The following UBQLN1 variants were observed in gnomAD, a reference collection of about 807,000 sequenced individuals.
UBQLN1 encodes ubiquilin-1.
A neutral mutation model predicts 65.4 loss-of-function variants in UBQLN1; 13 were observed. That is an observed-to-expected ratio of 0.20 (90% CI 0.13 to 0.32). UBQLN1 has a LOEUF of 0.32. Among genes scored for constraint, UBQLN1 ranks in the 10% least tolerant of loss-of-function variants. The pLI is 1.00. For synonymous variants in UBQLN1, 267 were observed against 247.8 expected, an observed-to-expected ratio of 1.08 and a Z score of -0.73; for missense variants, 561 against 724.0, an observed-to-expected ratio of 0.77 and a Z score of 2.58.
intron 4 of UBQLN1, among the ~76,000 whole-genome samples, chr9:83,679,078 C>T (rs753402137): frequency 2.0e-5 from 3 of 152,134 alleles, no homozygotes; most frequent in Non-Finnish European, 4.4e-5. Context: ...CCACAACAAA[C>T]CAAAATAGAG....
chr9:83,703,578 AT>A (rs1832347288), intron 1 of UBQLN1, among the ~76,000 whole-genome samples: 2 of 152,182 alleles, frequency 1.3e-5, no homozygotes, highest in Admixed American at 1.3e-4. Context: ...AGCATTTCCC[AT>A]AAGGGATACT....
At chr9:83,701,947 T>C (rs749688956) in intron 1 of UBQLN1, among the ~76,000 whole-genome samples, 1 of 152,200 alleles carries the variant, frequency 6.6e-6, no homozygotes, top group Non-Finnish European at 1.5e-5. Context: ...AAATGTGGAA[T>C]GCTGTTGGCA....
chr9:83,698,596 A>G (rs1832259465), intron 1 of UBQLN1, among the ~76,000 whole-genome samples: 1 of 152,156 alleles, frequency 6.6e-6, no homozygotes, highest in African/African-American at 2.4e-5. Context: ...ACATACATAT[A>G]ATGGAATATT....
At chr9:83,684,368 T>C (rs1333278462) in intron 2 of UBQLN1, among the ~76,000 whole-genome samples, 1 of 151,848 alleles carries the variant, frequency 6.6e-6, no homozygotes, top group African/African-American at 2.4e-5. Context: ...CAATTTTTTG[T>C]ATTTTTAGTA....
At chr9:83,697,290 C>G (rs1471577252) in intron 1 of UBQLN1, among the ~76,000 whole-genome samples, 1 of 149,330 alleles carries the variant, frequency 6.7e-6, no homozygotes, top group Admixed American at 6.7e-5. Context: ...CGGTGGCTCA[C>G]GCCTGTAATT....
At chr9:83,706,661 C>G (rs1286637672) in intron 1 of UBQLN1, among the ~76,000 whole-genome samples, 1 of 152,140 alleles carries the variant, frequency 6.6e-6, no homozygotes, top group African/African-American at 2.4e-5. Flanking sequence ...TAAATTCCAC[C>G]AAGAATCTTA....
At chr9:83,701,484 G>C (rs1230176406) in intron 1 of UBQLN1, among the ~76,000 whole-genome samples, 1 of 152,068 alleles carries the variant, frequency 6.6e-6, no homozygotes, top group African/African-American at 2.4e-5. Context: ...AACAGGGTAT[G>C]GGGACTCCCC....
At chr9:83,706,595 TAA>T (rs1177219170) in intron 1 of UBQLN1, among the ~76,000 whole-genome samples, 3 of 152,240 alleles carry the variant, frequency 2.0e-5, no homozygotes, top group African/African-American at 7.2e-5. Context: ...CTTCAGAGAT[TAA>T]GTCAGTAATT....
chr9:83,668,592 C>A (rs906193793), intron 7 of UBQLN1: 1 of 985,514 alleles, frequency 1.0e-6, no homozygotes, highest in Non-Finnish European at 1.2e-6. Flanking sequence ...CCTGAGTGTT[C>A]AGCCAGCATT....
chr9:83,685,417 C>G (rs1832024272), intron 2 of UBQLN1, among the ~76,000 whole-genome samples: 1 of 152,108 alleles, frequency 6.6e-6, no homozygotes, highest in African/African-American at 2.4e-5. Flanking sequence ...GGAGCTCTTT[C>G]ACTAAGTATA....
At chr9:83,673,375 C>A (rs1318822692) in intron 6 of UBQLN1, among the ~76,000 whole-genome samples, 1 of 151,468 alleles carries the variant, frequency 6.6e-6, no homozygotes, top group East Asian at 1.9e-4. Flanking sequence ...ACTGTCTCTA[C>A]TAAGAAAAAA....
At chr9:83,695,307 T>G (rs1832192636) in intron 1 of UBQLN1, among the ~76,000 whole-genome samples, 1 of 151,870 alleles carries the variant, frequency 6.6e-6, no homozygotes, top group Non-Finnish European at 1.5e-5. Context: ...CAAGTGATTC[T>G]CCTGCCTCAG....
Position 83,707,952 on chromosome 9 carries a change from C to G in UBQLN1, c.-273G>C. 1 of 478,970 alleles carries G rather than the reference C, an allele frequency of 2.1e-6. No homozygotes were observed. The highest frequency in any genetic ancestry group is 3.8e-5 in the South Asian group (1 of 26,528). 29.7% of individuals were successfully genotyped at this position (478,970 alleles called of 1,614,324 possible). ...ACATCCGCAGCAGCCACCGCTTCCT[C>G]CTCCCTGCCCCTTCCCCCACGTCCC... On this transcript the variant is annotated 5_prime_UTR_variant, in exon 1 of 11. Transcript: ENST00000376395.
chr9:83,675,455 C>T, intron 6 of UBQLN1, among the ~76,000 whole-genome samples: 1 of 145,728 alleles, frequency 6.9e-6, no homozygotes, highest in Non-Finnish European at 1.5e-5. Context: ...GCTTTACAGA[C>T]TTCCTATGCC....
At chr9:83,703,505 T>A (rs1182216201) in intron 1 of UBQLN1, among the ~76,000 whole-genome samples, 1 of 152,074 alleles carries the variant, frequency 6.6e-6, no homozygotes, top group Non-Finnish European at 1.5e-5. Flanking sequence ...TCATTATGTA[T>A]ATACAAATAT....
chr9:83,670,055 T>C (rs973850858), intron 6 of UBQLN1, among the ~76,000 whole-genome samples: 1 of 152,206 alleles, frequency 6.6e-6, no homozygotes, highest in Non-Finnish European at 1.5e-5. Context: ...TTTCCTTTTA[T>C]TGCCAAGGGC....
chr9:83,682,411 G>A (rs111381991), intron 3 of UBQLN1, among the ~76,000 whole-genome samples: 12,118 of 151,954 alleles, frequency 0.08, 1,579 homozygotes, highest in African/African-American at 0.28. Context: ...CCAGGAGTTT[G>A]AGGCTGCAGT....
intron 6 of UBQLN1, among the ~76,000 whole-genome samples, chr9:83,677,194 T>C (rs1035895025): frequency 6.6e-6 from 1 of 152,178 alleles, no homozygotes; most frequent in Non-Finnish European, 1.5e-5. Flanking sequence ...TGTGCTCTAG[T>C]AACAACTACA....
At chr9:83,698,506 G>A (rs1296390114) in intron 1 of UBQLN1, among the ~76,000 whole-genome samples, 1 of 152,120 alleles carries the variant, frequency 6.6e-6, no homozygotes, top group Non-Finnish European at 1.5e-5. Context: ...GTTAAATAAA[G>A]CATATTAAAA....
Sources: allele counts gnomAD v4.1 joint callset (sites outside exome capture counted in the v4.1 genomes callset), GRCh38; gene constraint gnomAD v4.1.1; transcripts MANE v1.5; gene names NCBI Gene and HGNC (gene_info 2026-07-23, HGNC 2026-07-21).